RAB28: variants seen among roughly 807,000 people sequenced by gnomAD.
RAB28 encodes RAB28, member RAS oncogene family.
RAB28 carries 24 observed loss-of-function variants against 31.7 expected under a neutral mutation model. That is an observed-to-expected ratio of 0.76 (90% CI 0.55 to 1.06). The LOEUF (loss-of-function observed/expected upper bound fraction) is 1.06, where lower values mean the gene tolerates loss of function less well. Ranked by LOEUF, RAB28 falls within the 50% of genes least tolerant of loss-of-function variation. The probability of loss-of-function intolerance (pLI) is 0.00; values close to 1 mark genes in which losing one functional copy is unlikely to be tolerated. For synonymous variants in RAB28, 100 were observed against 90.4 expected (o/e 1.11, Z -0.60); for missense variants, 254 against 258.5 (o/e 0.98, Z 0.12).
At chr4:13,387,750 C>CA (rs998118046) in intron 4 of RAB28, among the ~76,000 whole-genome samples, 3 of 151,846 alleles carry the variant, frequency 2.0e-5, no homozygotes, top group South Asian at 2.1e-4. Context: ...TCTTCAATTT[C>CA]AAAAAAAATT....
At chr4:13,475,671 G>A (rs763722514) in intron 2 of RAB28, among the ~76,000 whole-genome samples, 3 of 149,572 alleles carry the variant, frequency 2.0e-5, no homozygotes, top group Non-Finnish European at 4.4e-5. Flanking sequence ...ATTAATGAGC[G>A]CTAATGTTTT....
chr4:13,429,562 C>T (rs1713693333), intron 4 of RAB28, among the ~76,000 whole-genome samples: 1 of 150,870 alleles, frequency 6.6e-6, no homozygotes, highest in Non-Finnish European at 1.5e-5. Flanking sequence ...TGATAAATTA[C>T]ACAGGAATAA....
At chr4:13,388,559 C>T (rs1358428885) in intron 4 of RAB28, among the ~76,000 whole-genome samples, 1 of 151,946 alleles carries the variant, frequency 6.6e-6, no homozygotes, top group African/African-American at 2.4e-5. Context: ...TATCAAAGCA[C>T]ATAATCAACA....
intron 4 of RAB28, among the ~76,000 whole-genome samples, chr4:13,423,312 G>A (rs79607928): frequency 0.016 from 2,443 of 152,134 alleles, 71 homozygotes; most frequent in African/African-American, 0.056. Flanking sequence ...AAGGAGGGTG[G>A]ATCGCCTGAG....
At chr4:13,416,640 G>A (rs545678500) in intron 4 of RAB28, among the ~76,000 whole-genome samples, 5 of 152,158 alleles carry the variant, frequency 3.3e-5, no homozygotes, top group Non-Finnish European at 7.3e-5. Context: ...ATTAAGAATG[G>A]GGGTGGGGAT....
chr4:13,433,216 CA>C lies in RAB28; in HGVS notation c.391+27482del, dbSNP rs981295535. Among the ~76,000 whole-genome samples, 589 of 134,628 alleles carry C rather than the reference CA, an allele frequency of 4.4e-3. 5 individuals carry two copies. Among genetic ancestry groups the C allele is most frequent in the Non-Finnish European group, 6.2e-3 (381 of 61,760 alleles). 88.3% of individuals were successfully genotyped at this position (134,628 alleles called of 152,430 possible). On this transcript the variant is annotated intron_variant, in intron 4 of 6. Transcript: ENST00000330852. ...ATCAGACTTTAAACCAACAACAGTT[CA>C]AAAAAAAAAAGACAAAGAACAGCAT...
intron 3 of RAB28, among the ~76,000 whole-genome samples, chr4:13,464,193 G>C (rs1028911091): frequency 1.3e-5 from 2 of 152,042 alleles, no homozygotes; most frequent in African/African-American, 4.8e-5. Flanking sequence ...CTCCACACTT[G>C]CATGGATATA....
At chr4:13,467,691 T>G (rs186412941) in intron 3 of RAB28, among the ~76,000 whole-genome samples, 15 of 151,626 alleles carry the variant, frequency 9.9e-5, no homozygotes, top group Admixed American at 9.9e-4. Context: ...AATACTCAAA[T>G]AAAACCAGAG....
chr4:13,421,372 T>C (rs1161482437), intron 4 of RAB28, among the ~76,000 whole-genome samples: 1 of 152,050 alleles, frequency 6.6e-6, no homozygotes, highest in East Asian at 1.9e-4. Flanking sequence ...ATCAAGCTAC[T>C]AATGACTTTC....
chr4:13,447,345 G>C (rs1256609206), intron 4 of RAB28, among the ~76,000 whole-genome samples: 3 of 151,996 alleles, frequency 2.0e-5, no homozygotes, highest in South Asian at 2.1e-4. Flanking sequence ...AGTCTTTCTT[G>C]ATCTGTCCTT....
At chr4:13,411,268 C>A (rs544079209) in intron 4 of RAB28, among the ~76,000 whole-genome samples, 3 of 151,840 alleles carry the variant, frequency 2.0e-5, no homozygotes, top group Non-Finnish European at 4.4e-5. Flanking sequence ...AATTTTCAGA[C>A]AACAAAGACA....
At chr4:13,468,192 A>G (rs1715956788) in intron 3 of RAB28, among the ~76,000 whole-genome samples, 1 of 151,978 alleles carries the variant, frequency 6.6e-6, no homozygotes, top group Non-Finnish European at 1.5e-5. Flanking sequence ...TTAAGCAAAC[A>G]GAAAATCAGT....
At chr4:13,454,668 T>C (rs2108954836) in intron 4 of RAB28, among the ~76,000 whole-genome samples, 1 of 152,330 alleles carries the variant, frequency 6.6e-6, no homozygotes, top group East Asian at 1.9e-4. Context: ...TGGTGCAACT[T>C]TGCCATGGGT....
intron 4 of RAB28, among the ~76,000 whole-genome samples, chr4:13,393,449 T>C (rs1729734542): frequency 6.6e-6 from 1 of 152,210 alleles, no homozygotes; most frequent in South Asian, 2.1e-4. Context: ...GTTACTCACA[T>C]ATTCCAGCTT....
At chr4:13,370,862 AT>A (rs1458180791) in intron 6 of RAB28, 2 of 955,884 alleles carry the variant, frequency 2.1e-6, no homozygotes, top group African/African-American at 3.5e-5. Context: ...GAAACTATTT[AT>A]TTTTACCTTG....
chr4:13,394,543 G>A (rs1729788050), intron 4 of RAB28, among the ~76,000 whole-genome samples: 1 of 152,070 alleles, frequency 6.6e-6, no homozygotes, highest in East Asian at 1.9e-4. Context: ...CCAGGGGTTG[G>A]GAACCCCTGA....
intron 4 of RAB28, among the ~76,000 whole-genome samples, chr4:13,397,377 C>G (rs187517685): frequency 6.6e-6 from 1 of 152,062 alleles, no homozygotes; most frequent in Non-Finnish European, 1.5e-5. Flanking sequence ...GATAAAGGCA[C>G]CTGTTTGGTT....
In RAB28 at chr4:13,460,786, C is replaced by A; in HGVS notation, c.304G>T (p.Glu102Ter). 6.2e-7 allele frequency: 1 copy of A among 1,613,754 alleles called. No homozygotes were observed. Residue 102 changes from glutamate to a stop codon, truncating the protein, a stop_gained, in exon 4 of 7, where the codon GAG becomes TAG. Transcript: ENST00000330852. LOFTEE classifies it high-confidence loss of function. ...ACAGTATACCAATCTTCTAAATTCT[C>A]AAAGCTTTGATAATTTGTAATATCA... is the stretch of plus-strand genomic sequence containing the variant. ...VYDITNYQSF[E>*]NLEDWYTVVK...
intron 4 of RAB28, among the ~76,000 whole-genome samples, chr4:13,455,391 G>T (rs1345222453): frequency 1.3e-5 from 2 of 152,222 alleles, no homozygotes; most frequent in Non-Finnish European, 2.9e-5. Flanking sequence ...TGTGGGCAGT[G>T]GGGACTGGTT....
Sources: allele counts gnomAD v4.1 joint callset (sites outside exome capture counted in the v4.1 genomes callset), GRCh38; gene constraint gnomAD v4.1.1; transcripts MANE v1.5; gene names NCBI Gene and HGNC (gene_info 2026-07-23, HGNC 2026-07-21).